BRD7: variants seen among roughly 807,000 people sequenced by gnomAD.
BRD7 encodes the protein bromodomain containing 7.
In BRD7, 15 loss-of-function variants were observed where a neutral mutation model predicts 82.1. The observed-to-expected ratio is 0.18, with a 90% CI of 0.12 to 0.28. The LOEUF is 0.28. Among genes scored for constraint, BRD7 ranks in the 10% least tolerant of loss-of-function variants. BRD7 has a pLI of 1.00. For missense variants in BRD7, 638 were observed against 779.9 expected (o/e 0.82, Z 2.17); for synonymous variants, 232 against 266.9 (o/e 0.87, Z 1.27).
At chr16:50,322,330 C>G (rs2037155999) in intron 12 of BRD7, among the ~76,000 whole-genome samples, 1 of 152,170 alleles carries the variant, frequency 6.6e-6, no homozygotes, top group African/African-American at 2.4e-5. Flanking sequence ...TAAATGGTAT[C>G]TGTTTTTATC....
intron 9 of BRD7, 24 bp downstream of exon 9, chr16:50,328,645 T>A (rs781130848): frequency 6.3e-7 from 1 of 1,597,882 alleles, no homozygotes; most frequent in South Asian, 1.1e-5. Flanking sequence ...ATCAAGTTCA[T>A]GCACAGTTTT....
At chr16:50,350,191 T>C in intron 4 of BRD7, 24 bp from the exon 5 acceptor site, 2 of 1,514,630 alleles carry the variant, frequency 1.3e-6, no homozygotes, top group African/African-American at 1.4e-5. Context: ...CAAAAGACAA[T>C]GTAATATTTT....
intron 6 of BRD7, among the ~76,000 whole-genome samples, 159 bp from the exon 7 acceptor site, chr16:50,335,054 CATG>C (rs1327090659): frequency 1.3e-5 from 2 of 152,062 alleles, no homozygotes; most frequent in East Asian, 3.8e-4. Context: ...ATTTGGAAAC[CATG>C]ATAATGCCTA....
intron 9 of BRD7, 56 bp downstream of exon 9, chr16:50,328,613 T>TAG: frequency 6.8e-7 from 1 of 1,480,102 alleles, no homozygotes; most frequent in Non-Finnish European, 9.3e-7. Flanking sequence ...TTAACCCAGG[T>TAG]TACTGTTCTC....
chr16:50,323,833 T>C (rs2037221627), intron 11 of BRD7, 135 bp from the exon 12 acceptor site: 1 of 620,124 alleles, frequency 1.6e-6, no homozygotes, highest in African/African-American at 1.8e-5. Flanking sequence ...CACAACATGG[T>C]ATCTACATAT....
chr16:50,316,624 C>T lies in BRD7; in HGVS notation c.*2587G>A, dbSNP rs1410254415. On this transcript the variant is annotated 3_prime_UTR_variant, in exon 17 of 17. Coordinates refer to ENST00000394688, the MANE Select transcript of BRD7 (RefSeq NM_013263.5). ...CCTGGATCTGGGAAGCCCGCCCCCT[C>T]ACAAATGCTGAGCCGTTCTTGCTCT... 6.6e-6 allele frequency: 1 copy of T among 152,392 alleles called. No individual in the cohort carries two copies. The highest frequency in any genetic ancestry group is 1.5e-5 in the Non-Finnish European group (1 of 68,098). The allele number at this position is 152,392 out of a possible 1,614,324, so 9.4% of individuals were successfully genotyped here.
intron 11 of BRD7, among the ~76,000 whole-genome samples, chr16:50,324,195 G>C (rs1335386081): frequency 6.6e-6 from 1 of 151,972 alleles, no homozygotes; most frequent in Non-Finnish European, 1.5e-5. Flanking sequence ...AGTCTTCCAG[G>C]CTCAGTGTGC....
chr16:50,327,779 T>C lies in BRD7; in HGVS notation c.1087+890A>G, dbSNP rs1194204273. On this transcript the variant is annotated intron_variant, in intron 9 of 16. Coordinates refer to ENST00000394688, the MANE Select transcript of BRD7 (RefSeq NM_013263.5). ...TTATAGACACACACCTGCATAGTAC[T>C]GATTAAGGACAGACTTCTCTTTATG... Among the ~76,000 whole-genome samples the C allele has an allele frequency of 2.6e-5, 4 of 152,196 alleles. No individual in the cohort carries two copies. In the East Asian group the frequency reaches 7.7e-4, roughly 29 times the overall value.
rs536642864 is a variant in BRD7, at chr16:50,334,565, C to A, written c.887+146G>T. 75 of 871,430 alleles carry A rather than the reference C, an allele frequency of 8.6e-5. No homozygotes were observed. In the African/African-American group the frequency reaches 9.1e-4, roughly 11 times the overall value. 54.0% of individuals were successfully genotyped at this position (871,430 alleles called of 1,614,324 possible). ...TTCATATGAGAAGAGGGGTATCACACCATCAAAATGGACTTTCATGCCAAA... is the reference window on the plus strand; with the variant it reads ...TTCATATGAGAAGAGGGGTATCACAACATCAAAATGGACTTTCATGCCAAA... On this transcript the variant is annotated intron_variant, in intron 7 of 16. Coordinates refer to ENST00000394688, the MANE Select transcript of BRD7 (RefSeq NM_013263.5).
chr16:50,338,059 A>G (rs930667147), intron 6 of BRD7, among the ~76,000 whole-genome samples: 3 of 152,178 alleles, frequency 2.0e-5, no homozygotes, highest in Non-Finnish European at 4.4e-5. Context: ...GGTCATTAAA[A>G]ATTAGGCTCC....
intron 5 of BRD7, chr16:50,349,332 A>C: frequency 3.1e-6 from 1 of 319,014 alleles, no homozygotes; most frequent in Non-Finnish European, 6.1e-6. Context: ...CCAACATGGC[A>C]CATGAATATA....
intron 5 of BRD7, 56 bp from the exon 6 acceptor site, chr16:50,340,142 AC>A: frequency 1.0e-6 from 1 of 966,038 alleles, no homozygotes; most frequent in Non-Finnish European, 1.5e-6. Context: ...ACTACCCTGC[AC>A]CCCCAGGTTG....
At chr16:50,337,321 C>A (rs1229901355) in intron 6 of BRD7, among the ~76,000 whole-genome samples, 1 of 135,808 alleles carries the variant, frequency 7.4e-6, no homozygotes, top group Non-Finnish European at 1.5e-5. Flanking sequence ...AGTGCAGTGG[C>A]GTGATCTTGG....
At chr16:50,327,878 A>G (rs1224410557) in intron 9 of BRD7, among the ~76,000 whole-genome samples, 1 of 152,254 alleles carries the variant, frequency 6.6e-6, no homozygotes, top group Admixed American at 6.5e-5. Context: ...TCTACTACAC[A>G]GCTAGCTCCT....
intron 5 of BRD7, among the ~76,000 whole-genome samples, chr16:50,346,475 T>C (rs141553824): frequency 0.038 from 5,814 of 152,086 alleles, 181 homozygotes; most frequent in Non-Finnish European, 0.054. Flanking sequence ...AATCAATGAA[T>C]CCAGGAACTG....
intron 12 of BRD7, among the ~76,000 whole-genome samples, chr16:50,323,033 C>T (rs1024259799): frequency 3.3e-5 from 5 of 152,118 alleles, no homozygotes; most frequent in African/African-American, 1.2e-4. Context: ...GTGACAGGAA[C>T]GTTCTGGAGA....
chr16:50,368,190 T>A lies in BRD7; in HGVS notation c.158A>T (p.Asn53Ile), dbSNP rs770702273. The A allele has an allele frequency of 1.5e-5, 24 of 1,614,072 alleles. No homozygotes were observed. The highest frequency in any genetic ancestry group is 2.0e-5 in the Non-Finnish European group (24 of 1,180,034). ...TCTGTCCTTGTGTTTGTCATGATCG[T>A]TTTTGTCTTCGAAGAGGCTGGAGTC... is the stretch of plus-strand genomic sequence containing the variant. ...GHDSSLFEDK[N>I]DHDKHKDRKR... The change falls in exon 2 of 17, where the codon AAC becomes ATC. Residue 53 changes from asparagine to isoleucine, a missense_variant. By Grantham distance (149) the Asn-to-Ile change is moderately radical. Around this residue, in one of 3 missense-constraint regions of BRD7, gnomAD observed 172 missense variants for 155.3 expected, o/e 1.11. Transcript: ENST00000394688.
At chr16:50,325,664 C>T in intron 11 of BRD7, 84 bp downstream of exon 11, 1 of 1,308,070 alleles carries the variant, frequency 7.6e-7, no homozygotes, top group Non-Finnish European at 1.0e-6. Flanking sequence ...ACTACTCGGC[C>T]AGCTTTGTCA....
intron 9 of BRD7, among the ~76,000 whole-genome samples, chr16:50,326,889 C>T (rs2037363453): frequency 6.6e-6 from 1 of 152,136 alleles, no homozygotes; most frequent in African/African-American, 2.4e-5. Flanking sequence ...GCTGGGAATA[C>T]GTGACATAGA....
Sources: allele counts gnomAD v4.1 joint callset (sites outside exome capture counted in the v4.1 genomes callset), GRCh38; gene constraint gnomAD v4.1.1; regional missense constraint gnomAD v4.1.1; transcripts MANE v1.5; gene names NCBI Gene and HGNC (gene_info 2026-07-23, HGNC 2026-07-21).